DMD: variants seen among roughly 807,000 people sequenced by gnomAD.
DMD encodes the protein mutant dystrophin.
A neutral mutation model predicts 330.1 loss-of-function variants in DMD; 63 were observed. That is an observed-to-expected ratio of 0.19 (90% CI 0.16 to 0.24). DMD has a LOEUF of 0.24. Among genes scored for constraint, DMD ranks in the 10% least tolerant of loss-of-function variants. The probability of loss-of-function intolerance (pLI) is 1.00; values close to 1 mark genes in which losing one functional copy is unlikely to be tolerated. For missense variants in DMD, 3,344 were observed against 2,684.1 expected (o/e 1.25, Z -5.43); for synonymous variants, 1,223 against 959.8 (o/e 1.27, Z -5.07).
At chrX:32,192,978 T>A (rs2096982511) in intron 44 of DMD, among the ~76,000 whole-genome samples, 1 of 111,977 alleles carries the variant, frequency 8.9e-6, no homozygotes, top group African/African-American at 3.2e-5. Context: ...CTGGATCATG[T>A]GTGTGGATTT....
intron 43 of DMD, among the ~76,000 whole-genome samples, chrX:32,268,544 C>T (rs993567336): frequency 9.0e-6 from 1 of 111,347 alleles, no homozygotes; most frequent in Non-Finnish European, 1.9e-5. Context: ...GTTGCTTTCT[C>T]TTAACTTTCT....
intron 43 of DMD, among the ~76,000 whole-genome samples, chrX:32,263,375 C>T (rs331353): frequency 0.14 from 15,862 of 111,366 alleles, 932 homozygotes; most frequent in Non-Finnish European, 0.19. Context: ...AATTTTAGAA[C>T]ATAAAGGTAC....
At chrX:32,816,243 C>T (rs772174667) in intron 6 of DMD, among the ~76,000 whole-genome samples, 2 of 111,813 alleles carry the variant, frequency 1.8e-5, no homozygotes, top group Non-Finnish European at 3.8e-5. Context: ...CACTTTCACG[C>T]TCCGCTAATG....
intron 1 of DMD, among the ~76,000 whole-genome samples, chrX:33,076,748 G>T (rs1263345244): frequency 1.8e-5 from 2 of 111,563 alleles, no homozygotes; most frequent in Non-Finnish European, 3.8e-5. Context: ...TCAAAACTGT[G>T]ACCGCCCAAG....
intron 1 of DMD, among the ~76,000 whole-genome samples, chrX:33,247,868 A>G (rs1484479495): frequency 2.7e-5 from 3 of 111,499 alleles, no homozygotes; most frequent in Non-Finnish European, 5.6e-5. Context: ...CAACTACCCT[A>G]AAATAATTTA....
rs763392731 is a variant in DMD, at chrX:33,039,878, TA to T, written c.32-19679del. ...AGCAGGGTGATCTATAAAAACGTAT[TA>T]TTTTTTGAGCCATTTATATAGCTGT... On this transcript the variant is annotated intron_variant, in intron 1 of 78. Coordinates refer to ENST00000357033, the MANE Select transcript of DMD (RefSeq NM_004006.3). Among the ~76,000 whole-genome samples the T allele has an allele frequency of 1.7e-3, 192 of 110,880 alleles. 2 individuals are homozygous for T. Among genetic ancestry groups the T allele is most frequent in the African/African-American group, 6.2e-3 (188 of 30,537 alleles).
intron 23 of DMD, among the ~76,000 whole-genome samples, chrX:32,466,245 C>A (rs748193099): frequency 9.0e-6 from 1 of 110,976 alleles, no homozygotes; most frequent in African/African-American, 3.3e-5. Context: ...GAACTTATAT[C>A]ATTTAACTGA....
chrX:32,178,682 A>T (rs938343201), intron 44 of DMD, among the ~76,000 whole-genome samples: 5 of 111,107 alleles, frequency 4.5e-5, no homozygotes, highest in African/African-American at 1.3e-4. Flanking sequence ...GACCTTTTTT[A>T]AAAAAAGATT....
intron 44 of DMD, among the ~76,000 whole-genome samples, chrX:32,124,477 G>A (rs963732609): frequency 8.9e-6 from 1 of 111,960 alleles, no homozygotes; most frequent in Non-Finnish European, 1.9e-5. Flanking sequence ...CTAGGGTTAC[G>A]TTTACCTAGG....
intron 64 of DMD, among the ~76,000 whole-genome samples, chrX:31,221,393 T>C (rs182582897): frequency 5.3e-5 from 6 of 112,565 alleles, no homozygotes; most frequent in Non-Finnish European, 7.5e-5. Flanking sequence ...ATATTTTCAG[T>C]TCCTGAATGT....
intron 1 of DMD, among the ~76,000 whole-genome samples, chrX:33,021,944 T>A (rs981468201): frequency 2.7e-5 from 3 of 111,548 alleles, no homozygotes; most frequent in Non-Finnish European, 5.7e-5. Context: ...TTTCATAAAA[T>A]TAATACTAGC....
At chrX:32,826,418 A>T in intron 4 of DMD, among the ~76,000 whole-genome samples, 1 of 111,833 alleles carries the variant, frequency 8.9e-6, no homozygotes, top group East Asian at 2.8e-4. Context: ...AAAATAGCGA[A>T]GATAGGAAAT....
At chrX:31,261,989 T>G (rs1476351540) in intron 62 of DMD, among the ~76,000 whole-genome samples, 2 of 111,920 alleles carry the variant, frequency 1.8e-5, no homozygotes, top group African/African-American at 3.3e-5. Context: ...AGAAATCGCT[T>G]AAACTGGGGC....
intron 42 of DMD, among the ~76,000 whole-genome samples, chrX:32,307,497 C>T (rs1273788876): frequency 8.9e-6 from 1 of 111,784 alleles, no homozygotes; most frequent in African/African-American, 3.2e-5. Context: ...TGGCAGCTAC[C>T]AGTCAGAGTA....
rs775132897 is a variant in DMD at position 32,470,873 on chromosome X, AAC to A, written c.2949+1289_2949+1290del. Among the ~76,000 whole-genome samples the A allele has an allele frequency of 6.2e-5, 7 of 112,688 alleles. No individual in the cohort carries two copies. In the South Asian group the frequency reaches 2.5e-3, roughly 40 times the overall value. Reference sequence around the variant, plus strand: ...GATAAAGTTTAAATTTGAATTTTTAAACATTTTTCTTAAAATGCACATATTAT... The same window carrying A: ...GATAAAGTTTAAATTTGAATTTTTAAATTTTTCTTAAAATGCACATATTAT... On this transcript the variant is annotated intron_variant, in intron 22 of 78. Transcript: ENST00000357033.
At chrX:32,281,897 C>T (rs1334680454) in intron 43 of DMD, among the ~76,000 whole-genome samples, 2 of 111,597 alleles carry the variant, frequency 1.8e-5, no homozygotes, top group African/African-American at 6.5e-5. Flanking sequence ...TACATCATAT[C>T]TAAAGCTCAG....
At chrX:31,984,964 C>A (rs954471144) in intron 44 of DMD, among the ~76,000 whole-genome samples, 1 of 111,351 alleles carries the variant, frequency 9.0e-6, no homozygotes, top group African/African-American at 3.3e-5. Context: ...AATGATGGGA[C>A]AACAAATCAC....
At chrX:32,777,277 T>TGGGGGGGGGGGGGGGTGGGGG (rs546914107) in intron 7 of DMD, among the ~76,000 whole-genome samples, 1 of 2,113 alleles carries the variant, frequency 4.7e-4, no homozygotes, top group Non-Finnish European at 7.0e-4. Context: ...GGTTTCTGGT[T>TGGGGGGGGGGGGGGGTGGGGG]GGGGGGGGAA....
chrX:31,640,384 C>T (rs747741149), intron 54 of DMD, among the ~76,000 whole-genome samples: 2 of 112,306 alleles, frequency 1.8e-5, no homozygotes, highest in Non-Finnish European at 3.8e-5. Context: ...TTAAGTTTAC[C>T]TAAGTCTGGT....
Sources: allele counts gnomAD v4.1 joint callset (sites outside exome capture counted in the v4.1 genomes callset), GRCh38; gene constraint gnomAD v4.1.1; transcripts MANE v1.5; gene names NCBI Gene and HGNC (gene_info 2026-07-23, HGNC 2026-07-21).